The following PSME2 variants were observed in gnomAD, a reference collection of about 807,000 sequenced individuals.
PSME2 encodes proteasome activator subunit 2.
Under a neutral mutation model 38.8 loss-of-function variants are expected in PSME2, and 20 were observed. The observed-to-expected ratio is 0.52, with a 90% CI of 0.36 to 0.75. PSME2 has a LOEUF of 0.75. Ranked by LOEUF, PSME2 falls within the 30% of genes least tolerant of loss-of-function variation. The probability of loss-of-function intolerance (pLI) is 0.00; values close to 1 mark genes in which losing one functional copy is unlikely to be tolerated. For missense variants in PSME2, 227 were observed against 287.6 expected (o/e 0.79, Z 1.52); for synonymous variants, 82 against 102.5 (o/e 0.80, Z 1.21).
chr14:24,145,493 C>T (rs562822222), intron 3 of PSME2, 28 bp from the exon 4 acceptor site: 2 of 1,537,072 alleles, frequency 1.3e-6, no homozygotes, highest in Non-Finnish European at 8.8e-7. Context: ...TCAAGGGCTG[C>T]CCAACCTCTT....
rs1398786263 is a variant in PSME2 at position 24,143,778 on chromosome 14, C to T, written c.553-107G>A. 4 of 1,344,380 alleles carry T rather than the reference C, an allele frequency of 3.0e-6. No homozygotes were observed. The African/African-American group carries it at 4.4e-5, about 15-fold the overall frequency. 83.3% of individuals were successfully genotyped at this position (1,344,380 alleles called of 1,614,324 possible). On this transcript the variant is annotated intron_variant, in intron 9 of 10. Coordinates refer to ENST00000216802, the MANE Select transcript of PSME2 (RefSeq NM_002818.3). The surrounding 1 kb of genome is among the most constrained non-coding windows in gnomAD (Gnocchi z 4.4). ...AACTTGAGAATGAACCCCTTCTTAG[C>T]ACCAAGAAATAGGATCCCAAAGGAC...
chr14:24,143,558 T>TC lies in PSME2; in HGVS notation c.639+26dup. 6.2e-7 allele frequency: 1 copy of TC among 1,613,128 alleles called. No homozygotes were observed. The highest frequency in any genetic ancestry group is 2.2e-5 in the East Asian group (1 of 44,858). ...CCCTGCCTGCCCCCACTCATCCACC[T>TC]CCCCTAAAGCCTTACTCCACACTCA... On this transcript the variant is annotated intron_variant, in intron 10 of 10. Transcript: ENST00000216802. The surrounding 1 kb of genome is among the most constrained non-coding windows in gnomAD (Gnocchi z 4.4).
intron 3 of PSME2, 57 bp downstream of exon 3, chr14:24,145,653 G>T: frequency 6.4e-7 from 1 of 1,552,100 alleles, no homozygotes; most frequent in Non-Finnish European, 8.9e-7. Flanking sequence ...AGCTAGAGAG[G>T]GTGGGCAAAG....
chr14:24,146,539 T>C lies in PSME2; in HGVS notation c.43A>G (p.Lys15Glu). The stretch of plus-strand genomic sequence containing the variant: ...GGCCTCCGATTCCCCATTACCTGTT[T>C]GCGGGCTTCCCCGCTCAGGCGCACC... ...CGVRLSGEARKQVEVFRQNLF... is the reference protein window; with the variant it reads ...CGVRLSGEAREQVEVFRQNLF... Residue 15 changes from lysine to glutamate, a missense_variant, in exon 1 of 11, where the codon AAA becomes GAA. Physicochemically the swap from Lys to Glu is moderately conservative, Grantham distance 56. Transcript: ENST00000216802. 1 of 1,614,036 alleles carries C rather than the reference T, an allele frequency of 6.2e-7. No individual in the cohort carries two copies. Among genetic ancestry groups the C allele is most frequent in the East Asian group, 2.2e-5 (1 of 44,878 alleles).
In PSME2 at chr14:24,144,437, T is replaced by C. The variant is rs768854737; in HGVS notation, c.392A>G (p.Lys131Arg). 1.2e-6 allele frequency: 2 copies of C among 1,613,668 alleles called. No individual in the cohort carries two copies. Among genetic ancestry groups the C allele is most frequent in the East Asian group, 2.2e-5 (1 of 44,892 alleles). Residue 131 changes from lysine (K) to arginine (R), a missense_variant, in exon 7 of 11, where the codon AAG becomes AGG. Around this residue, in one of 3 missense-constraint regions of PSME2, gnomAD observed 48 missense variants for 96.4 expected, o/e 0.50. Transcript: ENST00000216802. ...VITWIQHLIP[K>R]IEDGNDFGVA... ...CCCAAAATCATTTCCATCTTCAATC[T>C]TGGGGATCAGGTGTTGGATCCATGT... is the stretch of plus-strand genomic sequence containing the variant.
At chr14:24,145,871 G>T in intron 2 of PSME2, 99 bp from the exon 3 acceptor site, 1 of 1,304,574 alleles carries the variant, frequency 7.7e-7, no homozygotes, top group Non-Finnish European at 1.1e-6. Context: ...CTGGGTCCAA[G>T]ACTTGCAAAT....
intron 6 of PSME2, 160 bp downstream of exon 6, chr14:24,144,891 GAGGTCTA>G: frequency 1.4e-6 from 1 of 708,446 alleles, no homozygotes; most frequent in South Asian, 1.8e-5. Flanking sequence ...TGTGATAAGA[GAGGTCTA>G]ACAGAACGAG....
At chr14:24,145,614 C>G in intron 3 of PSME2, 96 bp downstream of exon 3, 1 of 1,500,782 alleles carries the variant, frequency 6.7e-7, no homozygotes, top group South Asian at 1.1e-5. Context: ...CTATTTGAAA[C>G]TATTCTCTGC....
rs4575 is a variant in PSME2, at chr14:24,146,226, T to A, written c.63A>T (p.Arg21Ser). 6.2e-7 allele frequency: 1 copy of A among 1,612,934 alleles called. No individual in the cohort carries two copies. The highest frequency in any genetic ancestry group is 2.2e-5 in the East Asian group (1 of 44,842). ...GACTTACCTCCTGGAAAAGATTCTG[T>A]CTGAAGACCTCCACCTACACAGAGA... ...GEARKQVEVF[R>S]QNLFQEAEEF... The change falls in exon 2 of 11, where the codon AGA becomes AGT. Residue 21 changes from arginine to serine, a missense_variant. Arg to Ser is a moderately radical substitution (Grantham distance 110). Around this residue, in one of 3 missense-constraint regions of PSME2, gnomAD observed 80 missense variants for 77.3 expected, o/e 1.04. Coordinates refer to ENST00000216802, the MANE Select transcript of PSME2 (RefSeq NM_002818.3).
At position 24,144,277 on chromosome 14, in the gene PSME2, G is replaced by A. The variant is rs1429132339; in HGVS notation, c.430-18C>T. 9 of 1,613,748 alleles carry A rather than the reference G, an allele frequency of 5.6e-6. No individual in the cohort carries two copies. In the Admixed American group the frequency reaches 1.5e-4, roughly 27 times the overall value. On this transcript the variant is annotated intron_variant, in intron 7 of 10. Coordinates refer to ENST00000216802, the MANE Select transcript of PSME2 (RefSeq NM_002818.3). ...ACCTTCTCCTGTGGTGACACGGGAG[G>A]CAAAGACAACACTTCATGTCCTCCC...
In PSME2 at chr14:24,146,247, A is replaced by G. The variant is rs1566610345; in HGVS notation, c.49-7T>C. The G allele has an allele frequency of 1.9e-6, 3 of 1,613,610 alleles. No homozygotes were observed. The highest frequency in any genetic ancestry group is 2.5e-6 in the Non-Finnish European group (3 of 1,179,694). On this transcript the variant is annotated splice_region_variant and splice_polypyrimidine_tract_variant and intron_variant, in intron 1 of 10. Coordinates refer to ENST00000216802, the MANE Select transcript of PSME2 (RefSeq NM_002818.3). ...TCTGTCTGAAGACCTCCACCTACAC[A>G]GAGAGCAGTACCCGGATGTTGGTTA...
At position 24,146,252 on chromosome 14, in the gene PSME2, G is replaced by A; in HGVS notation, c.49-12C>T. ...CTGAAGACCTCCACCTACACAGAGA[G>A]CAGTACCCGGATGTTGGTTAAGGGT... On this transcript the variant is annotated splice_polypyrimidine_tract_variant and intron_variant, in intron 1 of 10. Coordinates refer to ENST00000216802, the MANE Select transcript of PSME2 (RefSeq NM_002818.3). 1 of 1,613,718 alleles carries A rather than the reference G, an allele frequency of 6.2e-7. No individual in the cohort carries two copies. Among genetic ancestry groups the A allele is most frequent in the Non-Finnish European group, 8.5e-7 (1 of 1,179,668 alleles).
In PSME2 at chr14:24,144,254, C is replaced by T; in HGVS notation, c.435G>A (p.Lys145=). The T allele has an allele frequency of 6.2e-7, 1 of 1,614,204 alleles. No individual in the cohort carries two copies. Among genetic ancestry groups the T allele is most frequent in the Non-Finnish European group, 8.5e-7 (1 of 1,180,032 alleles). The part of the protein sequence containing the change: ...GNDFGVAIQE[K]VLERVNAVKT... ...TGACGGCATTCACCCTCTCCAGCAC[C>T]TTCTCCTGTGGTGACACGGGAGGCA... The change falls in exon 8 of 11, where the codon AAG becomes AAA. Residue 145 remains lysine (K), a synonymous_variant. Coordinates refer to ENST00000216802, the MANE Select transcript of PSME2 (RefSeq NM_002818.3).
At chr14:24,146,291 A>G (rs759549153) in intron 1 of PSME2, 51 bp from the exon 2 acceptor site, 8 of 1,603,142 alleles carry the variant, frequency 5.0e-6, no homozygotes, top group Non-Finnish European at 6.8e-6. Context: ...GGTTGTCAAA[A>G]GCTTCCACCC....
At chr14:24,145,649 A>G in intron 3 of PSME2, 61 bp downstream of exon 3, 2 of 1,549,108 alleles carry the variant, frequency 1.3e-6, no homozygotes, top group Non-Finnish European at 1.8e-6. Flanking sequence ...TGTTAGCTAG[A>G]GAGGGTGGGC....
chr14:24,146,076 A>C, intron 2 of PSME2, 132 bp downstream of exon 2: 2 of 1,135,370 alleles, frequency 1.8e-6, no homozygotes, highest in Non-Finnish European at 1.3e-6. Context: ...TTCCGGGGTT[A>C]CTTTGGGTGA....
At chr14:24,146,460 C>T (rs1594371054) in intron 1 of PSME2, 74 bp downstream of exon 1, 1 of 1,596,730 alleles carries the variant, frequency 6.3e-7, no homozygotes, top group East Asian at 2.2e-5. Context: ...ACTGCTTGGT[C>T]CCCTGAACCA....
intron 6 of PSME2, 76 bp downstream of exon 6, chr14:24,144,982 A>T: frequency 7.1e-7 from 1 of 1,403,366 alleles, no homozygotes; most frequent in Non-Finnish European, 1.0e-6. Flanking sequence ...TGTATGAAGG[A>T]CTTGTATCTA....
At position 24,143,711 on chromosome 14, in the gene PSME2, G is replaced by A. The variant is rs779854977; in HGVS notation, c.553-40C>T. Reference sequence around the variant, plus strand: ...GCAAAGCTGAGTCAGTCCCATGGGAGGCTGGGACATGAGTCTGGTTTCCTT... The same window carrying A: ...GCAAAGCTGAGTCAGTCCCATGGGAAGCTGGGACATGAGTCTGGTTTCCTT... On this transcript the variant is annotated intron_variant, in intron 9 of 10. Coordinates refer to ENST00000216802, the MANE Select transcript of PSME2 (RefSeq NM_002818.3). This position sits in a 1 kb window ranked among gnomAD's most constrained non-coding sequence, Gnocchi z 4.4. 6.3e-7 allele frequency: 1 copy of A among 1,586,812 alleles called. No homozygotes were observed. The highest frequency in any genetic ancestry group is 1.1e-5 in the South Asian group (1 of 90,438).
Sources: gnomAD v4.1 joint callset for allele counts on GRCh38, gnomAD v4.1.1 for gene constraint, gnomAD v4.1.1 regional missense constraint, Gnocchi (gnomAD v3.1) non-coding constraint, MANE v1.5 for transcripts, NCBI Gene and HGNC (gene_info 2026-07-23, HGNC 2026-07-21) for gene names.